SHISA9: variants seen among roughly 807,000 people sequenced by gnomAD.
SHISA9 encodes the protein protein shisa-9.
Under a neutral mutation model 38.0 loss-of-function variants are expected in SHISA9, and 13 were observed. That is an observed-to-expected ratio of 0.34 (90% CI 0.22 to 0.54). The LOEUF is 0.54. SHISA9 is among the 20% of genes least tolerant of loss of function. SHISA9 has a pLI of 0.91. For synonymous variants in SHISA9, 275 were observed against 242.0 expected, an observed-to-expected ratio of 1.14 and a Z score of -1.27; for missense variants, 538 against 575.8, an observed-to-expected ratio of 0.93 and a Z score of 0.67.
chr16:13,543,974 C>G, the SHISA9 span, among the ~76,000 whole-genome samples: 90 of 152,146 alleles, frequency 5.9e-4, no homozygotes, highest in South Asian at 2.7e-3. Context: ...TGCAGCTGAA[C>G]AAATAGAAAC....
the SHISA9 span, among the ~76,000 whole-genome samples, chr16:13,398,416 G>T: frequency 6.6e-6 from 1 of 151,904 alleles, no homozygotes; most frequent in East Asian, 1.9e-4. Context: ...AGGGTCAGCT[G>T]TATATAGGAA....
chr16:13,464,352 C>T, the SHISA9 span, among the ~76,000 whole-genome samples: 1 of 152,176 alleles, frequency 6.6e-6, no homozygotes, highest in African/African-American at 2.4e-5. Flanking sequence ...CCTGTCTTAC[C>T]ATGGGTTTCT....
At chr16:13,525,783 T>A in the SHISA9 span, among the ~76,000 whole-genome samples, 2 of 152,268 alleles carry the variant, frequency 1.3e-5, no homozygotes, top group Non-Finnish European at 2.9e-5. Flanking sequence ...CAATTATCTA[T>A]ATCTCCTGTG....
At chr16:13,218,700 C>T (rs776106807) in intron 4 of SHISA9, among the ~76,000 whole-genome samples, 30 of 152,156 alleles carry the variant, frequency 2.0e-4, no homozygotes, top group Non-Finnish European at 4.1e-4. Flanking sequence ...TACGTAAAAT[C>T]GCTAAACCAG....
rs567987467 is a variant in SHISA9, at chr16:12,952,324, C to T, written c.691+35509C>T. Among the ~76,000 whole-genome samples, 6 of 152,294 alleles carry T rather than the reference C, an allele frequency of 3.9e-5. No homozygotes were observed. In the South Asian group the frequency reaches 6.2e-4, roughly 16 times the overall value. On this transcript the variant is annotated intron_variant, in intron 2 of 4. Transcript: ENST00000558583. ...GCCTGTGCATCTCCTCTGGCAGCCC[C>T]GTGGCACGGTCCCTCCTCACAAATG...
At chr16:12,962,144 C>T (rs573867770) in intron 2 of SHISA9, among the ~76,000 whole-genome samples, 15 of 152,320 alleles carry the variant, frequency 9.8e-5, no homozygotes, top group African/African-American at 3.4e-4. Context: ...CACTGCCTGG[C>T]CATCATGTGC....
chr16:13,396,108 T>C, the SHISA9 span, among the ~76,000 whole-genome samples: 2 of 152,230 alleles, frequency 1.3e-5, no homozygotes, highest in African/African-American at 2.4e-5. Context: ...GTTTATAAGA[T>C]GTGATTTTAT....
chr16:13,333,962 C>T, the SHISA9 span, among the ~76,000 whole-genome samples: 1 of 152,196 alleles, frequency 6.6e-6, no homozygotes, highest in Admixed American at 6.5e-5. Context: ...ACTACAGCCA[C>T]GGAAGCTAAA....
At chr16:13,203,881 T>G (rs1370704139) in intron 3 of SHISA9, among the ~76,000 whole-genome samples, 1 of 152,048 alleles carries the variant, frequency 6.6e-6, no homozygotes, top group East Asian at 1.9e-4. Flanking sequence ...CCATCCATCA[T>G]CCATCCATCT....
chr16:13,545,310 TAA>T, the SHISA9 span, among the ~76,000 whole-genome samples: 1 of 152,186 alleles, frequency 6.6e-6, no homozygotes, highest in Admixed American at 6.5e-5. Flanking sequence ...AGAACCAGGA[TAA>T]GTTTCCCTTT....
chr16:13,449,727 C>G, the SHISA9 span, among the ~76,000 whole-genome samples: 1 of 152,194 alleles, frequency 6.6e-6, no homozygotes, highest in East Asian at 1.9e-4. Flanking sequence ...TCCCATCACT[C>G]CTTTTAAAAG....
At chr16:13,140,857 T>C (rs1040527256) in intron 2 of SHISA9, among the ~76,000 whole-genome samples, 1 of 152,212 alleles carries the variant, frequency 6.6e-6, no homozygotes, top group Non-Finnish European at 1.5e-5. Context: ...TTTGAAAGTA[T>C]GAGACTGGAT....
chr16:12,906,485 C>G (rs918804945), intron 1 of SHISA9, among the ~76,000 whole-genome samples: 5 of 152,152 alleles, frequency 3.3e-5, no homozygotes, highest in Admixed American at 6.5e-5. Flanking sequence ...CATGGGATCT[C>G]GTAAGAACCG....
At chr16:12,927,506 T>C (rs2071406402) in intron 2 of SHISA9, among the ~76,000 whole-genome samples, 1 of 152,112 alleles carries the variant, frequency 6.6e-6, no homozygotes. Context: ...TCACGTGATC[T>C]GCCCACCTCA....
chr16:13,387,877 T>C, the SHISA9 span, among the ~76,000 whole-genome samples: 5 of 152,126 alleles, frequency 3.3e-5, no homozygotes, highest in African/African-American at 9.7e-5. Context: ...TTCTCCACCA[T>C]TGGAGTGAAA....
chr16:13,169,067 G>C (rs1373155773), intron 2 of SHISA9, among the ~76,000 whole-genome samples: 1 of 152,112 alleles, frequency 6.6e-6, no homozygotes, highest in Non-Finnish European at 1.5e-5. Context: ...CCAACTCTCT[G>C]TATACAATGA....
intron 2 of SHISA9, among the ~76,000 whole-genome samples, chr16:12,925,612 C>A (rs895211042): frequency 5.3e-5 from 8 of 152,226 alleles, no homozygotes; most frequent in Non-Finnish European, 1.2e-4. Flanking sequence ...TTCCCAAGTG[C>A]TTCCAACCAG....
chr16:13,456,362 C>T, the SHISA9 span, among the ~76,000 whole-genome samples: 2 of 152,142 alleles, frequency 1.3e-5, no homozygotes, highest in African/African-American at 2.4e-5. Flanking sequence ...ATTGCTGACA[C>T]CTGAGTCAGC....
the SHISA9 span, among the ~76,000 whole-genome samples, chr16:13,361,833 T>G: frequency 2.6e-5 from 4 of 152,134 alleles, no homozygotes; most frequent in Admixed American, 1.3e-4. Flanking sequence ...AAGAAATTAT[T>G]TATTGGATGA....
Sources: allele counts gnomAD v4.1 joint callset (sites outside exome capture counted in the v4.1 genomes callset), GRCh38; gene constraint gnomAD v4.1.1; transcripts MANE v1.5; gene names NCBI Gene and HGNC (gene_info 2026-07-23, HGNC 2026-07-21).